The following SPPL2A variants were observed in gnomAD, a reference collection of about 807,000 sequenced individuals.
SPPL2A encodes signal peptide peptidase like 2A, also known as signal peptide peptidase-like 2A.
A neutral mutation model predicts 63.8 loss-of-function variants in SPPL2A; 51 were observed. The observed-to-expected ratio is 0.80, with a 90% CI of 0.64 to 1.01. The LOEUF (loss-of-function observed/expected upper bound fraction) is 1.01. Among genes scored for constraint, SPPL2A ranks in the 50% least tolerant of loss-of-function variants. SPPL2A has a pLI of 0.00. For missense variants in SPPL2A, 553 were observed against 622.7 expected (o/e 0.89, Z 1.19); for synonymous variants, 188 against 205.8 (o/e 0.91, Z 0.74).
intron 1 of SPPL2A, among the ~76,000 whole-genome samples, chr15:50,758,812 C>T (rs2062983920): frequency 6.6e-6 from 1 of 152,114 alleles, no homozygotes; most frequent in Non-Finnish European, 1.5e-5. Flanking sequence ...TACTTGGAGA[C>T]TTTATGGTTT....
chr15:50,742,386 G>C (rs1404506999), intron 5 of SPPL2A, among the ~76,000 whole-genome samples: 1 of 146,336 alleles, frequency 6.8e-6, no homozygotes, highest in Non-Finnish European at 1.5e-5. Flanking sequence ...GCAAAACCTC[G>C]ACTCCAAAAA....
At position 50,732,660 on chromosome 15, in the gene SPPL2A, G is replaced by A. The variant is rs2062740044; in HGVS notation, c.957C>T (p.Ile319=). ...AATTCAGACAGAAAGCAATCCCCAA[G>A]ATATCCTGTAAAATCCAAGCCCACC... The part of the protein sequence containing the change: ...EDRWAWILQD[I]LGIAFCLNLI... The change falls in exon 9 of 15, where the codon ATC becomes ATT. Residue 319 remains isoleucine (I), a synonymous_variant. Transcript: ENST00000261854. 1 of 1,610,766 alleles carries A rather than the reference G, an allele frequency of 6.2e-7. No homozygotes were observed. The highest frequency in any genetic ancestry group is 1.3e-5 in the African/African-American group (1 of 74,812).
intron 11 of SPPL2A, chr15:50,725,966 G>A: frequency 3.6e-6 from 2 of 556,006 alleles, no homozygotes; most frequent in Non-Finnish European, 5.7e-6. Context: ...AACAGAACAG[G>A]CCTAATTTTT....
At chr15:50,728,559 G>A (rs1410388942) in intron 10 of SPPL2A, among the ~76,000 whole-genome samples, 2 of 151,948 alleles carry the variant, frequency 1.3e-5, no homozygotes, top group East Asian at 3.9e-4. Context: ...TGTTAGCCAG[G>A]ATGGTCTCAA....
rs1268405129 is a variant in SPPL2A at position 50,706,402 on chromosome 15, A to AG, written c.*1397_*1398insC. 7.3e-5 allele frequency: 11 copies of AG among 150,212 alleles called. No homozygotes were observed. The highest frequency in any genetic ancestry group is 2.7e-4 in the African/African-American group (11 of 40,554). 9.3% of individuals were successfully genotyped at this position (150,212 alleles called of 1,614,324 possible). ...GAGACTCCGTCTCAAAAAAAAAAAA[A>AG]AAAAAAAAAAGAAAACTGAGATACA... On this transcript the variant is annotated 3_prime_UTR_variant, in exon 15 of 15. Transcript: ENST00000261854.
intron 2 of SPPL2A, among the ~76,000 whole-genome samples, 178 bp downstream of exon 2, chr15:50,749,458 T>G (rs984236827): frequency 6.6e-6 from 1 of 152,154 alleles, no homozygotes; most frequent in African/African-American, 2.4e-5. Context: ...CAGCTAATTT[T>G]TGTATTTTTA....
At chr15:50,731,490 G>A (rs2062731356) in intron 9 of SPPL2A, among the ~76,000 whole-genome samples, 1 of 152,030 alleles carries the variant, frequency 6.6e-6, no homozygotes, top group South Asian at 2.1e-4. Flanking sequence ...AGGTTGCAGT[G>A]AGCTGAGATC....
In SPPL2A at chr15:50,747,986, T is replaced by C. The variant is rs188819510; in HGVS notation, c.450+127A>G. ...AGATGAGTACTTTCCAAACAAAAAC[T>C]TGATAGGCCTTATAGCTTCTTGTTA... On this transcript the variant is annotated intron_variant, in intron 4 of 14. Transcript: ENST00000261854. The C allele has an allele frequency of 6.6e-5, 31 of 471,712 alleles. No homozygotes were observed. The East Asian group carries it at 1.1e-3, about 17-fold the overall frequency. 29.2% of individuals were successfully genotyped at this position (471,712 alleles called of 1,614,324 possible). A position where few individuals can be genotyped will look rare whatever the true frequency, so the allele number is the denominator to read the frequency against.
At position 50,740,502 on chromosome 15, in the gene SPPL2A, A is replaced by G. The variant is rs185683993; in HGVS notation, c.585-674T>C. ...AACAAATTAATACTTGTGGATGTTT[A>G]TATTACCTAATTTGAAAATTATATT... On this transcript the variant is annotated intron_variant, in intron 5 of 14. Transcript: ENST00000261854. 6.0e-4 allele frequency among the ~76,000 whole-genome samples: 91 copies of G among 151,936 alleles called. No individual in the cohort carries two copies. In the East Asian group the frequency reaches 6.8e-3, roughly 11 times the overall value.
chr15:50,718,022 A>AGTG (rs935747428), intron 14 of SPPL2A, among the ~76,000 whole-genome samples: 10 of 121,754 alleles, frequency 8.2e-5, no homozygotes, highest in African/African-American at 3.3e-4. Flanking sequence ...CCCAGGCTGG[A>AGTG]GTGCAGTGGC....
Position 50,732,668 on chromosome 15 carries a change from G to T in SPPL2A, c.949C>A (p.Gln317Lys). The change falls in exon 9 of 15, where the codon CAG becomes AAG. Residue 317 changes from glutamine (Q) to lysine (K), a missense_variant. Transcript: ENST00000261854. Reference sequence around the variant, plus strand: ...CAGAAAGCAATCCCCAAGATATCCTGTAAAATCCAAGCCCACCTAAAATCA... The same window carrying T: ...CAGAAAGCAATCCCCAAGATATCCTTTAAAATCCAAGCCCACCTAAAATCA... ...RNEDRWAWIL[Q>K]DILGIAFCLN... is the part of the protein sequence containing the mutation. The T allele has an allele frequency of 6.2e-7, 1 of 1,609,790 alleles. No individual in the cohort carries two copies. Among genetic ancestry groups the T allele is most frequent in the Non-Finnish European group, 8.5e-7 (1 of 1,176,908 alleles).
intron 9 of SPPL2A, 112 bp from the exon 10 acceptor site, chr15:50,731,151 T>C (rs2062727520): frequency 1.9e-6 from 1 of 539,404 alleles, no homozygotes. Context: ...AATATTACTT[T>C]TAAAAAGATA....
chr15:50,753,750 A>G (rs1176531609), intron 1 of SPPL2A, among the ~76,000 whole-genome samples: 1 of 152,152 alleles, frequency 6.6e-6, no homozygotes, highest in African/African-American at 2.4e-5. Flanking sequence ...TCCTGGTGGG[A>G]TGTGGAGATA....
At chr15:50,732,781 G>T in intron 8 of SPPL2A, 97 bp from the exon 9 acceptor site, 1 of 710,802 alleles carries the variant, frequency 1.4e-6, no homozygotes, top group Non-Finnish European at 2.4e-6. Flanking sequence ...TAATTGCTAT[G>T]ATTTGACTAT....
rs996738946 is a variant in SPPL2A, at chr15:50,729,326, G to C, written c.1089+1639C>G. 2.6e-5 allele frequency among the ~76,000 whole-genome samples: 4 copies of C among 152,302 alleles called. No homozygotes were observed. In the East Asian group the frequency reaches 7.7e-4, roughly 29 times the overall value. On this transcript the variant is annotated intron_variant, in intron 10 of 14. Transcript: ENST00000261854. ...TCTTTTTTTAGGTTACTATTGTTCA[G>C]TGAAGTCAATGAATCAAATGGCTCA... is the stretch of plus-strand genomic sequence containing the variant.
intron 10 of SPPL2A, among the ~76,000 whole-genome samples, chr15:50,729,290 C>G (rs946480371): frequency 1.3e-5 from 2 of 152,188 alleles, no homozygotes; most frequent in Non-Finnish European, 2.9e-5. Context: ...AATACTAGTT[C>G]TATGAATTTT....
intron 4 of SPPL2A, 114 bp downstream of exon 4, chr15:50,747,999 T>A: frequency 2.0e-6 from 1 of 506,100 alleles, no homozygotes; most frequent in Non-Finnish European, 3.3e-6. Context: ...ATAGGCCTTA[T>A]AGCTTCTTGT....
chr15:50,735,049 C>T (rs553201638), intron 8 of SPPL2A, among the ~76,000 whole-genome samples: 18 of 152,052 alleles, frequency 1.2e-4, no homozygotes, highest in African/African-American at 3.6e-4. Flanking sequence ...GGATTACAGG[C>T]GCATGCCACC....
Position 50,704,949 on chromosome 15 carries a change from G to A in SPPL2A, c.*2851C>T, listed in dbSNP as rs896585955. On this transcript the variant is annotated 3_prime_UTR_variant, in exon 15 of 15. Coordinates refer to ENST00000261854, the MANE Select transcript of SPPL2A (RefSeq NM_032802.4). ...CAAGTAACTCGGATTTCAGATTTCT[G>A]GATGTACCAGTTACTATGCTACTGA... 2 of 152,116 alleles carry A rather than the reference G, an allele frequency of 1.3e-5. No homozygotes were observed. The highest frequency in any genetic ancestry group is 4.8e-5 in the African/African-American group (2 of 41,430). 9.4% of individuals were successfully genotyped at this position (152,116 alleles called of 1,614,324 possible).
Sources: gnomAD v4.1 joint callset for allele counts (sites outside exome capture counted in the v4.1 genomes callset) on GRCh38, gnomAD v4.1.1 for gene constraint, MANE v1.5 for transcripts, NCBI Gene and HGNC (gene_info 2026-07-23, HGNC 2026-07-21) for gene names.